Variants in TNRC6A observed in about 807,000 individuals in gnomAD.
TNRC6A encodes the protein trinucleotide repeat-containing gene 6A protein.
A neutral mutation model predicts 221.2 loss-of-function variants in TNRC6A; 44 were observed. The ratio of observed to expected loss-of-function variants is 0.20; its 90% CI spans 0.16 to 0.26. TNRC6A has a LOEUF of 0.26. Among genes scored for constraint, TNRC6A ranks in the 10% least tolerant of loss-of-function variants. The probability of loss-of-function intolerance (pLI) is 1.00; values close to 1 mark genes in which losing one functional copy is unlikely to be tolerated. For synonymous variants in TNRC6A, 847 were observed against 838.5 expected (o/e 1.01, Z -0.18); for missense variants, 2,199 against 2,404.4 (o/e 0.91, Z 1.79).
At chr16:24,813,048 T>C (rs2058581429) in intron 18 of TNRC6A, among the ~76,000 whole-genome samples, 1 of 151,920 alleles carries the variant, frequency 6.6e-6, no homozygotes, top group Non-Finnish European at 1.5e-5. Flanking sequence ...GCTAGTTTTT[T>C]GTATTTTTAT....
chr16:24,715,896 C>T (rs2056304669), intron 2 of TNRC6A, among the ~76,000 whole-genome samples: 1 of 152,126 alleles, frequency 6.6e-6, no homozygotes, highest in African/African-American at 2.4e-5. Context: ...GCCGGGATTA[C>T]AGGCATGAGC....
At chr16:24,736,010 C>A (rs1423254814) in intron 2 of TNRC6A, among the ~76,000 whole-genome samples, 2 of 152,148 alleles carry the variant, frequency 1.3e-5, no homozygotes, top group East Asian at 3.9e-4. Context: ...ACTAAAAATA[C>A]CAAAATTAGC....
In TNRC6A at chr16:24,691,010, C is replaced by T. The variant is rs112875332; in HGVS notation, n.402+50001C>T. ...ATTTTTGGTAGAGACGGGGTTTCAC[C>T]GTGTTAGCCAGGATTCGTCTCGATC... On this transcript the variant is annotated intron_variant and non_coding_transcript_variant, in intron 2 of 2. Transcript: ENST00000566108. Among the ~76,000 whole-genome samples the T allele has an allele frequency of 6.6e-5, 10 of 152,046 alleles. 1 individual carries two copies. Among genetic ancestry groups the T allele is most frequent in the African/African-American group, 2.2e-4 (9 of 41,488 alleles).
At chr16:24,787,801 A>C (rs1172502281) in intron 5 of TNRC6A, among the ~76,000 whole-genome samples, 1 of 152,170 alleles carries the variant, frequency 6.6e-6, no homozygotes, top group Non-Finnish European at 1.5e-5. Context: ...TTTGAGAGCA[A>C]ATGATGCAAA....
chr16:24,708,330 T>C (rs1010592670), intron 2 of TNRC6A, among the ~76,000 whole-genome samples: 25 of 150,632 alleles, frequency 1.7e-4, no homozygotes, highest in Non-Finnish European at 3.1e-4. Context: ...AAGCTCCACC[T>C]CCCAGGTTCA....
intron 2 of TNRC6A, chr16:24,664,801 AC>A (rs1467008378): frequency 1.5e-4 from 66 of 436,274 alleles, no homozygotes; most frequent in African/African-American, 1.3e-3. Flanking sequence ...ACACACACAC[AC>A]ACACACACAC....
intron 4 of TNRC6A, among the ~76,000 whole-genome samples, chr16:24,759,110 G>T (rs1465669956): frequency 6.6e-6 from 1 of 152,190 alleles, no homozygotes; most frequent in Non-Finnish European, 1.5e-5. Flanking sequence ...AAGAAGGAAT[G>T]AAATGGTTCA....
chr16:24,761,056 A>T (rs534309992), intron 4 of TNRC6A, among the ~76,000 whole-genome samples: 2 of 152,354 alleles, frequency 1.3e-5, no homozygotes, highest in South Asian at 4.1e-4. Context: ...TGCCTATTCC[A>T]GAATTCCTGC....
At chr16:24,666,471 C>CAA (rs765727823) in intron 2 of TNRC6A, among the ~76,000 whole-genome samples, 106 of 83,896 alleles carry the variant, frequency 1.3e-3, no homozygotes, top group African/African-American at 3.0e-3. Flanking sequence ...GACTCCGTCT[C>CAA]AAAAAAAAAA....
intron 9 of TNRC6A, among the ~76,000 whole-genome samples, chr16:24,797,218 C>T (rs912874239): frequency 9.2e-5 from 14 of 152,064 alleles, no homozygotes; most frequent in African/African-American, 3.1e-4. Context: ...TGTGGGTCAT[C>T]GAGGCCTTTT....
chr16:24,770,582 A>G (rs2057570036), intron 4 of TNRC6A, among the ~76,000 whole-genome samples: 1 of 152,182 alleles, frequency 6.6e-6, no homozygotes, highest in Non-Finnish European at 1.5e-5. Flanking sequence ...CTGCTTGAGT[A>G]ACTACATAGA....
chr16:24,681,355 GTAGC>G (rs1323451994), intron 2 of TNRC6A, among the ~76,000 whole-genome samples: 2 of 151,986 alleles, frequency 1.3e-5, no homozygotes, highest in African/African-American at 4.8e-5. Flanking sequence ...AGCCTCCCGG[GTAGC>G]TGGGATTACA....
At position 24,803,418 on chromosome 16, in the gene TNRC6A, C is replaced by CA. The variant is rs61162237; in HGVS notation, c.3695-748dup. ...TGGGCTACAGAGTGAGACCCCTTCT[C>CA]AAAAAAAAAAAGAAAAGAAAAAGCA... On this transcript the variant is annotated intron_variant, in intron 11 of 24. Transcript: ENST00000395799. 1,126 of 132,984 alleles carry CA rather than the reference C, an allele frequency of 8.5e-3. 3 individuals are homozygous for CA. The highest frequency in any genetic ancestry group is 0.011 in the African/African-American group (406 of 36,090). 8.2% of individuals were successfully genotyped at this position (132,984 alleles called of 1,614,324 possible).
chr16:24,756,847 A>AGGGGGGTGAC, intron 3 of TNRC6A, among the ~76,000 whole-genome samples: 1 of 152,202 alleles, frequency 6.6e-6, no homozygotes, highest in South Asian at 2.1e-4. Context: ...TTTCCATTGG[A>AGGGGGGTGAC]AGTAAATTGT....
chr16:24,696,845 CT>C, intron 2 of TNRC6A, among the ~76,000 whole-genome samples: 1 of 151,606 alleles, frequency 6.6e-6, no homozygotes, highest in South Asian at 2.1e-4. Flanking sequence ...ACACTCAGAA[CT>C]AGCTCTTCCC....
rs201699052 is a variant in TNRC6A, at chr16:24,806,793, C to G, written c.4540+9C>G. The G allele has an allele frequency of 1.7e-3, 2,781 of 1,613,924 alleles. 6 individuals carry two copies. Among genetic ancestry groups the G allele is most frequent in the Non-Finnish European group, 2.1e-3 (2,464 of 1,179,840 alleles). ...CAGCAACTTCCCTATAGGTGGGTTT[C>G]TCCTTGGCCCAAGTATTGGACTGAT... is the stretch of plus-strand genomic sequence containing the variant. On this transcript the variant is annotated intron_variant, in intron 17 of 24. Coordinates refer to ENST00000395799, the MANE Select transcript of TNRC6A (RefSeq NM_014494.4).
chr16:24,651,767 A>G (rs1902679155), intron 2 of TNRC6A, among the ~76,000 whole-genome samples: 1 of 151,464 alleles, frequency 6.6e-6, no homozygotes, highest in Non-Finnish European at 1.5e-5. Context: ...GCACATGGTT[A>G]GATTGCTAAG....
rs2056569500 is a variant in TNRC6A at position 24,729,689 on chromosome 16, G to A, written c.-153G>A. The A allele has an allele frequency of 1.4e-6, 1 of 708,534 alleles. No individual in the cohort carries two copies. Among genetic ancestry groups the A allele is most frequent in the Non-Finnish European group, 1.9e-6 (1 of 519,770 alleles). 43.9% of individuals were successfully genotyped at this position (708,534 alleles called of 1,614,324 possible). On this transcript the variant is annotated 5_prime_UTR_variant, in exon 1 of 25. Coordinates refer to ENST00000395799, the MANE Select transcript of TNRC6A (RefSeq NM_014494.4). ...GGCCTGCGGCGGCGGCGGTGTCGGCGGCGGCGGCGGCGGCGGCGGCGGCGG... is the reference window on the plus strand; with the variant it reads ...GGCCTGCGGCGGCGGCGGTGTCGGCAGCGGCGGCGGCGGCGGCGGCGGCGG...
Position 24,820,140 on chromosome 16 carries a change from C to A in TNRC6A, c.5082C>A (p.Ala1694=). 2 of 1,613,856 alleles carry A rather than the reference C, an allele frequency of 1.2e-6. No individual in the cohort carries two copies. Among genetic ancestry groups the A allele is most frequent in the Non-Finnish European group, 1.7e-6 (2 of 1,179,864 alleles). Residue 1694 remains alanine (A), a splice_region_variant and synonymous_variant, in exon 22 of 25, where the codon GCC becomes GCA. Coordinates refer to ENST00000395799, the MANE Select transcript of TNRC6A (RefSeq NM_014494.4). ...TCCATTTTTTCCCCCTTTGAGTAGC[C>A]AGAAATAGTGATTCCAAATTGACAT... ...PLSSTAQSTS[A]RNSDSKLTWS...
Sources: gnomAD v4.1 joint callset for allele counts (sites outside exome capture counted in the v4.1 genomes callset) on GRCh38, gnomAD v4.1.1 for gene constraint, MANE v1.5 for transcripts, NCBI Gene and HGNC (gene_info 2026-07-23, HGNC 2026-07-21) for gene names.